The following CSMD1 variants were observed in gnomAD, a reference collection of about 807,000 sequenced individuals.
CSMD1 encodes CUB and Sushi multiple domains 1, also known as CUB and sushi domain-containing protein 1.
Under a neutral mutation model 417.5 loss-of-function variants are expected in CSMD1, and 213 were observed. The observed-to-expected ratio is 0.51, with a 90% CI of 0.46 to 0.57. CSMD1 has a LOEUF of 0.57. Ranked by LOEUF, CSMD1 falls within the 20% of genes least tolerant of loss-of-function variation. The pLI is 0.00. For synonymous variants in CSMD1, 2,862 were observed against 1,736.8 expected (o/e 1.65, Z -16.11); for missense variants, 6,923 against 4,529.7 (o/e 1.53, Z -15.17).
At chr8:3,272,228 A>T (rs1399931232) in intron 26 of CSMD1, among the ~76,000 whole-genome samples, 1 of 145,830 alleles carries the variant, frequency 6.9e-6, no homozygotes, top group African/African-American at 2.5e-5. Flanking sequence ...TTTGTCAAAG[A>T]TCAGATAGTT....
chr8:4,243,860 T>C (rs558067955), intron 3 of CSMD1, among the ~76,000 whole-genome samples: 9 of 152,334 alleles, frequency 5.9e-5, no homozygotes, highest in Non-Finnish European at 8.8e-5. Flanking sequence ...GACTGTGTTA[T>C]TGCCTTGATT....
At chr8:4,819,502 C>T (rs1004488563) in intron 1 of CSMD1, among the ~76,000 whole-genome samples, 8 of 151,950 alleles carry the variant, frequency 5.3e-5, no homozygotes, top group African/African-American at 1.7e-4. Flanking sequence ...TATATAGGAC[C>T]CTATATTAAT....
rs143988567 is a variant in CSMD1, at chr8:3,863,713, G to T, written c.819-109671C>A. Reference sequence around the variant, plus strand: ...AGTGAACAAAAGAATAACATACATGGTCTCTAATTCAGATTTTGTTTTCAT... The same window carrying T: ...AGTGAACAAAAGAATAACATACATGTTCTCTAATTCAGATTTTGTTTTCAT... On this transcript the variant is annotated intron_variant, in intron 5 of 69. Transcript: ENST00000635120. 9.2e-5 allele frequency among the ~76,000 whole-genome samples: 14 copies of T among 152,114 alleles called. No individual in the cohort carries two copies. In the East Asian group the frequency reaches 2.1e-3, roughly 23 times the overall value.
At chr8:4,094,489 G>A (rs1018742784) in intron 3 of CSMD1, among the ~76,000 whole-genome samples, 1 of 152,208 alleles carries the variant, frequency 6.6e-6, no homozygotes, top group African/African-American at 2.4e-5. Flanking sequence ...GATTAACGCT[G>A]GAGCAACCAC....
At chr8:2,971,008 A>G (rs1804410985) in intron 57 of CSMD1, among the ~76,000 whole-genome samples, 1 of 152,084 alleles carries the variant, frequency 6.6e-6, no homozygotes, top group South Asian at 2.1e-4. Context: ...CTAAATATGT[A>G]TTTTCTAAGG....
intron 5 of CSMD1, among the ~76,000 whole-genome samples, chr8:3,820,772 TG>T (rs1251025693): frequency 6.6e-6 from 1 of 152,100 alleles, no homozygotes; most frequent in African/African-American, 2.4e-5. Context: ...GTTTTAGTGA[TG>T]GGGTTTCGCC....
intron 54 of CSMD1, among the ~76,000 whole-genome samples, chr8:2,989,495 G>C (rs1806197040): frequency 6.6e-6 from 1 of 152,080 alleles, no homozygotes; most frequent in Non-Finnish European, 1.5e-5. Flanking sequence ...AGATATATTT[G>C]AAAAAGCAGT....
intron 3 of CSMD1, among the ~76,000 whole-genome samples, chr8:4,147,415 A>G (rs1474602180): frequency 6.6e-6 from 1 of 152,090 alleles, no homozygotes; most frequent in Non-Finnish European, 1.5e-5. Flanking sequence ...TGCCCTGTCT[A>G]GAATGGCTTT....
intron 5 of CSMD1, among the ~76,000 whole-genome samples, chr8:3,944,830 T>A (rs891030773): frequency 6.6e-6 from 1 of 152,206 alleles, no homozygotes; most frequent in Admixed American, 6.5e-5. Context: ...ATCCAATAAT[T>A]AGAGCTAGTT....
At chr8:3,011,990 T>C (rs2128963494) in intron 52 of CSMD1, among the ~76,000 whole-genome samples, 1 of 152,326 alleles carries the variant, frequency 6.6e-6, no homozygotes, top group East Asian at 1.9e-4. Flanking sequence ...CAGTGCTTAA[T>C]TCTGTGGCCT....
In CSMD1 at chr8:2,949,412, G is replaced by GAAAAGAAAAT. The variant is rs746191318; in HGVS notation, c.10315-27_10315-26insATTTTCTTTT. 19 of 1,306,410 alleles carry GAAAAGAAAAT rather than the reference G, an allele frequency of 1.5e-5. No individual in the cohort carries two copies. The East Asian group carries it at 4.4e-4, about 30-fold the overall frequency. 80.9% of individuals were successfully genotyped at this position (1,306,410 alleles called of 1,614,324 possible). A position where few individuals can be genotyped will look rare whatever the true frequency, so the allele number is the denominator to read the frequency against. ...CTGACACATAGGAAAGAAAAGAAAA[G>GAAAAGAAAAT]AAATAAAAAGGTATACGAAGGGATG... On this transcript the variant is annotated intron_variant, in intron 67 of 69. Coordinates refer to ENST00000635120, the MANE Select transcript of CSMD1 (RefSeq NM_033225.6).
chr8:4,430,060 G>A (rs184708384), intron 2 of CSMD1, among the ~76,000 whole-genome samples: 41 of 152,308 alleles, frequency 2.7e-4, no homozygotes, highest in African/African-American at 8.2e-4. Flanking sequence ...CAACCAGGAA[G>A]TATAAAAGCA....
intron 52 of CSMD1, among the ~76,000 whole-genome samples, chr8:3,000,463 AAAG>A (rs1284546131): frequency 6.6e-6 from 1 of 152,174 alleles, no homozygotes; most frequent in Non-Finnish European, 1.5e-5. Flanking sequence ...AGCAAAAAGT[AAAG>A]AAGGAATTCT....
chr8:4,838,068 C>CA (rs1173676889), intron 1 of CSMD1, among the ~76,000 whole-genome samples: 1 of 152,056 alleles, frequency 6.6e-6, no homozygotes, highest in East Asian at 1.9e-4. Flanking sequence ...CAGGAAGGGA[C>CA]ATAGTGGATT....
intron 15 of CSMD1, among the ~76,000 whole-genome samples, chr8:3,399,953 C>T (rs1236717768): frequency 6.6e-6 from 1 of 152,154 alleles, no homozygotes; most frequent in Non-Finnish European, 1.5e-5. Flanking sequence ...TGTGTGTATG[C>T]ATGTGTTTAT....
At chr8:4,003,265 C>A (rs761792614) in intron 4 of CSMD1, among the ~76,000 whole-genome samples, 21 of 151,968 alleles carry the variant, frequency 1.4e-4, no homozygotes, top group Non-Finnish European at 2.5e-4. Flanking sequence ...TGGTGACGGG[C>A]ACTTGTAATC....
rs1254353823 is a variant in CSMD1 at position 3,005,861 on chromosome 8, C to A, written c.8030-5730G>T. On this transcript the variant is annotated intron_variant, in intron 52 of 69. Coordinates refer to ENST00000635120, the MANE Select transcript of CSMD1 (RefSeq NM_033225.6). ...GAAGCATTCCCTTTGAAAACGGGCA[C>A]AAGACAGGGATGCCCTCTCTCACCA... 6.6e-5 allele frequency among the ~76,000 whole-genome samples: 10 copies of A among 152,168 alleles called. No homozygotes were observed. The East Asian group carries it at 1.7e-3, about 26-fold the overall frequency.
At chr8:4,418,497 G>C (rs1424702608) in intron 3 of CSMD1, among the ~76,000 whole-genome samples, 7 of 152,014 alleles carry the variant, frequency 4.6e-5, no homozygotes, top group Non-Finnish European at 1.0e-4. Context: ...CACCTTTTCA[G>C]CTATCAACTT....
At chr8:3,071,815 A>G (rs981308206) in intron 49 of CSMD1, among the ~76,000 whole-genome samples, 5 of 152,192 alleles carry the variant, frequency 3.3e-5, no homozygotes, top group African/African-American at 9.7e-5. Flanking sequence ...GTCATTTCAT[A>G]TATTTATAAT....
Sources: allele counts gnomAD v4.1 joint callset (sites outside exome capture counted in the v4.1 genomes callset), GRCh38; gene constraint gnomAD v4.1.1; transcripts MANE v1.5; gene names NCBI Gene and HGNC (gene_info 2026-07-23, HGNC 2026-07-21).